COL6A5: variants seen among roughly 807,000 people sequenced by gnomAD.
COL6A5 encodes collagen alpha-5(VI) chain.
COL6A5 carries 48 observed loss-of-function variants against 65.6 expected under a neutral mutation model. The ratio of observed to expected loss-of-function variants is 0.73; its 90% CI spans 0.58 to 0.93. COL6A5 has a LOEUF of 0.93. Ranked by LOEUF, COL6A5 falls within the 40% of genes least tolerant of loss-of-function variation. The probability of loss-of-function intolerance (pLI) is 0.00; values close to 1 mark genes in which losing one functional copy is unlikely to be tolerated. For missense variants in COL6A5, 914 were observed against 928.3 expected (o/e 0.98, Z 0.20); for synonymous variants, 291 against 322.8 (o/e 0.90, Z 1.05).
At chr3:130,479,436 C>CAA (rs1449424217) in intron 7 of COL6A5, among the ~76,000 whole-genome samples, 16 of 151,782 alleles carry the variant, frequency 1.1e-4, no homozygotes, top group African/African-American at 2.9e-4. Flanking sequence ...AAAACAAAAA[C>CAA]AAACAACAAC....
chr3:130,359,213 A>G (rs907904613), intron 1 of COL6A5, among the ~76,000 whole-genome samples: 5 of 152,192 alleles, frequency 3.3e-5, no homozygotes, highest in African/African-American at 9.7e-5. Flanking sequence ...TGAGCCATCA[A>G]TTGTTTTTAA....
At chr3:130,479,132 GT>G (rs1710170881) in intron 7 of COL6A5, among the ~76,000 whole-genome samples, 1 of 151,994 alleles carries the variant, frequency 6.6e-6, no homozygotes. Context: ...TGATTAAGTC[GT>G]GGGGGTGGAT....
At chr3:130,362,029 T>C (rs2107621608) in intron 1 of COL6A5, among the ~76,000 whole-genome samples, 1 of 152,180 alleles carries the variant, frequency 6.6e-6, no homozygotes, top group African/African-American at 2.4e-5. Flanking sequence ...TTGTTGACAG[T>C]GCCCTTCATA....
At chr3:130,398,577 C>T (rs184211018) in intron 10 of COL6A5, among the ~76,000 whole-genome samples, 33 of 152,322 alleles carry the variant, frequency 2.2e-4, no homozygotes, top group Admixed American at 2.0e-3. Context: ...CCCTCACACT[C>T]CTCCCCAAAA....
chr3:130,414,799 C>G (rs1037351181), intron 22 of COL6A5, among the ~76,000 whole-genome samples: 2 of 152,076 alleles, frequency 1.3e-5, no homozygotes, highest in Admixed American at 6.6e-5. Context: ...GTAGCTGTGC[C>G]TATTCTAAGG....
chr3:130,481,258 C>T (rs1710233958), intron 7 of COL6A5, among the ~76,000 whole-genome samples: 2 of 149,164 alleles, frequency 1.3e-5, no homozygotes, highest in African/African-American at 4.9e-5. Context: ...CATGTATTCT[C>T]ATTGTTCAGC....
chr3:130,355,070 A>G (rs1040092775), intron 1 of COL6A5, among the ~76,000 whole-genome samples: 1 of 152,014 alleles, frequency 6.6e-6, no homozygotes, highest in African/African-American at 2.4e-5. Flanking sequence ...ACTTTTGTTA[A>G]TGTGCTACCA....
intron 5 of COL6A5, among the ~76,000 whole-genome samples, chr3:130,463,787 T>A (rs78427770): frequency 0.056 from 8,521 of 152,146 alleles, 354 homozygotes; most frequent in Middle Eastern, 0.11. Flanking sequence ...TTTGAAGACC[T>A]TGTCTCCCTA....
At chr3:130,426,338 T>G (rs1223199718) in intron 30 of COL6A5, 29 bp from the exon 31 acceptor site, 1 of 1,551,408 alleles carries the variant, frequency 6.4e-7, no homozygotes, top group Non-Finnish European at 8.7e-7. Flanking sequence ...CTTGCATTTC[T>G]TTTCTCTCTC....
intron 29 of COL6A5, among the ~76,000 whole-genome samples, chr3:130,425,142 C>T (rs143977936): frequency 6.6e-5 from 10 of 152,226 alleles, no homozygotes; most frequent in Non-Finnish European, 1.3e-4. Flanking sequence ...AAGAATGACA[C>T]TACATGTTTT....
rs544637171 is a variant in COL6A5 at position 130,398,461 on chromosome 3, T to A, written c.3991+350T>A. Among the ~76,000 whole-genome samples the A allele has an allele frequency of 1.7e-4, 26 of 152,306 alleles. No homozygotes were observed. The South Asian group carries it at 5.2e-3, about 30-fold the overall frequency. On this transcript the variant is annotated intron_variant and NMD_transcript_variant, in intron 10 of 41. Transcript: ENST00000312481. ...AAAATTTAAACAGTGAAGCATGGAA[T>A]ATGCTTAACAAGTCTCTACCTTTAC...
At chr3:130,466,276 G>T (rs1300952781) in intron 5 of COL6A5, among the ~76,000 whole-genome samples, 2 of 151,960 alleles carry the variant, frequency 1.3e-5, no homozygotes, top group African/African-American at 2.4e-5. Context: ...TGTGTTCTCT[G>T]ACTGAAACAG....
intron 6 of COL6A5, 106 bp from the exon 39 acceptor site, chr3:130,470,765 T>C: frequency 1.3e-6 from 1 of 750,440 alleles, no homozygotes; most frequent in South Asian, 1.7e-5. Context: ...GTTATAAAAG[T>C]TGTTCTTGAA....
exon 7 of COL6A5, chr3:130,470,945 G>A (rs779165908): frequency 2.2e-5 from 35 of 1,611,772 alleles, no homozygotes; most frequent in South Asian, 1.9e-4. Context: ...CCCAGAGAAC[G>A]GTGGCACAGA....
intron 4 of COL6A5, 109 bp from the exon 37 acceptor site, chr3:130,455,346 C>G (rs928050011): frequency 1.6e-6 from 1 of 626,730 alleles, no homozygotes; most frequent in African/African-American, 1.9e-5. Flanking sequence ...TTTTCACCAC[C>G]CAATTGGTTT....
intron 6 of COL6A5, among the ~76,000 whole-genome samples, chr3:130,470,528 A>T (rs184465580): frequency 6.9e-4 from 104 of 150,388 alleles, no homozygotes; most frequent in Non-Finnish European, 9.6e-4. Flanking sequence ...AAGTATAATT[A>T]AAAAAAAAAT....
chr3:130,405,700 C>T (rs1169766369), intron 14 of COL6A5, 41 bp downstream of exon 14: 5 of 1,417,822 alleles, frequency 3.5e-6, no homozygotes, highest in African/African-American at 2.8e-5. Flanking sequence ...TTCTCTGTAA[C>T]ATTCTCTCCC....
rs1338401041 is a variant in COL6A5 at position 130,418,866 on chromosome 3, T to C, written c.4888-3T>C. Reference sequence around the variant, plus strand: ...CTGAAGCTCTTCTTGTCCCACTTACTAGGGAGAGCCTGGACTTCCTGGAGA... The same window carrying C: ...CTGAAGCTCTTCTTGTCCCACTTACCAGGGAGAGCCTGGACTTCCTGGAGA... On this transcript the variant is annotated splice_polypyrimidine_tract_variant and splice_region_variant and intron_variant and NMD_transcript_variant, in intron 24 of 41. Coordinates refer to the COL6A5 transcript ENST00000312481. 6.5e-7 allele frequency: 1 copy of C among 1,550,184 alleles called. No individual in the cohort carries two copies. Among genetic ancestry groups the C allele is most frequent in the East Asian group, 2.4e-5 (1 of 40,870 alleles).
At chr3:130,484,309 A>T (rs186018229) in exon 8 of COL6A5, 2 of 499,782 alleles carry the variant, frequency 4.0e-6, no homozygotes, top group Non-Finnish European at 7.0e-6. Flanking sequence ...AAACCGACCT[A>T]TAAGAGTTAA....
Sources: gnomAD v4.1 joint callset for allele counts (sites outside exome capture counted in the v4.1 genomes callset) on GRCh38, gnomAD v4.1.1 for gene constraint, MANE v1.5 for transcripts, NCBI Gene and HGNC (gene_info 2026-07-23, HGNC 2026-07-21) for gene names.